The following DPP10 variants were observed in gnomAD, a reference collection of about 807,000 sequenced individuals.
DPP10 encodes inactive dipeptidyl peptidase 10.
In DPP10, 33 loss-of-function variants were observed where a neutral mutation model predicts 120.9. That is an observed-to-expected ratio of 0.27 (90% CI 0.21 to 0.37). The LOEUF (loss-of-function observed/expected upper bound fraction) is 0.37. Among genes scored for constraint, DPP10 ranks in the 10% least tolerant of loss-of-function variants. The probability of loss-of-function intolerance (pLI) is 1.00; values close to 1 mark genes in which losing one functional copy is unlikely to be tolerated. For synonymous variants in DPP10, 337 were observed against 326.1 expected, an observed-to-expected ratio of 1.03 and a Z score of -0.36; for missense variants, 816 against 942.8, an observed-to-expected ratio of 0.87 and a Z score of 1.76.
chr2:115,393,578 G>T (rs2067467488), intron 3 of DPP10, among the ~76,000 whole-genome samples: 1 of 152,100 alleles, frequency 6.6e-6, no homozygotes, highest in Admixed American at 6.5e-5. Context: ...AGAAAGGATT[G>T]TATTAAATTC....
At chr2:115,459,865 T>G (rs902067483) in intron 3 of DPP10, among the ~76,000 whole-genome samples, 9 of 150,478 alleles carry the variant, frequency 6.0e-5, no homozygotes, top group Non-Finnish European at 1.0e-4. Context: ...AGGACTACCA[T>G]GTTATTAGAC....
intron 1 of DPP10, among the ~76,000 whole-genome samples, chr2:114,550,468 G>A (rs980392789): frequency 1.3e-5 from 2 of 152,220 alleles, no homozygotes; most frequent in Non-Finnish European, 2.9e-5. Flanking sequence ...CAGCCAGTAA[G>A]GAGCAGGGCT....
intron 11 of DPP10, among the ~76,000 whole-genome samples, chr2:115,759,145 G>A (rs915581874): frequency 4.0e-5 from 6 of 151,884 alleles, no homozygotes; most frequent in African/African-American, 1.5e-4. Context: ...TGCCAAATGG[G>A]TATCAGACAA....
At chr2:114,663,668 T>TATATATATATAGAG in intron 1 of DPP10, among the ~76,000 whole-genome samples, 6 of 80,710 alleles carry the variant, frequency 7.4e-5, no homozygotes, top group East Asian at 7.1e-4. Flanking sequence ...TATATATATA[T>TATATATATATAGAG]AGAGAGAGAG....
intron 1 of DPP10, among the ~76,000 whole-genome samples, chr2:115,158,937 T>G (rs2052097751): frequency 6.6e-6 from 1 of 152,082 alleles, no homozygotes; most frequent in Non-Finnish European, 1.5e-5. Context: ...GAAAATATGG[T>G]GGATGGTAAG....
chr2:115,374,852 G>A (rs752903814), intron 3 of DPP10, among the ~76,000 whole-genome samples: 79 of 152,184 alleles, frequency 5.2e-4, no homozygotes, highest in Non-Finnish European at 8.2e-4. Context: ...AGGGTGCCAC[G>A]TTCCAAGGCT....
intron 1 of DPP10, among the ~76,000 whole-genome samples, chr2:114,485,351 A>C (rs1292683790): frequency 6.6e-6 from 1 of 152,136 alleles, no homozygotes; most frequent in Admixed American, 6.6e-5. Flanking sequence ...GCAACAGTAA[A>C]AAGCTGACTG....
chr2:115,478,798 A>C (rs1483001074), intron 3 of DPP10, among the ~76,000 whole-genome samples: 1 of 152,224 alleles, frequency 6.6e-6, no homozygotes, highest in Non-Finnish European at 1.5e-5. Context: ...TCATGAAAAA[A>C]GATGCTCAAT....
chr2:114,980,670 C>T (rs1223898321), intron 1 of DPP10, among the ~76,000 whole-genome samples: 1 of 151,372 alleles, frequency 6.6e-6, no homozygotes, highest in Non-Finnish European at 1.5e-5. Context: ...CAGAAATTCC[C>T]TGAACTAGAA....
chr2:114,930,129 CT>C (rs887559539), intron 1 of DPP10, among the ~76,000 whole-genome samples: 2 of 152,228 alleles, frequency 1.3e-5, no homozygotes, highest in Admixed American at 6.5e-5. Context: ...TCTGAAAAGC[CT>C]TTTTGACCTT....
chr2:115,381,364 A>G (rs534426350), intron 3 of DPP10, among the ~76,000 whole-genome samples: 1 of 151,816 alleles, frequency 6.6e-6, no homozygotes, highest in Non-Finnish European at 1.5e-5. Flanking sequence ...AGGCTTCTGC[A>G]CTCTTCACGT....
At chr2:115,785,338 T>C (rs1196625373) in intron 17 of DPP10, among the ~76,000 whole-genome samples, 1 of 152,202 alleles carries the variant, frequency 6.6e-6, no homozygotes, top group Non-Finnish European at 1.5e-5. Flanking sequence ...ATCAGAATCA[T>C]GCTGACCTCA....
In DPP10 at chr2:115,500,271, C is replaced by G. The variant is rs186477368; in HGVS notation, c.366+667C>G. Among the ~76,000 whole-genome samples, 194 of 151,852 alleles carry G rather than the reference C, an allele frequency of 1.3e-3. 1 individual carries two copies. The highest frequency in any genetic ancestry group is 4.5e-3 in the African/African-American group (185 of 41,458). On this transcript the variant is annotated intron_variant, in intron 4 of 25. Transcript: ENST00000410059. ...TGCAAATGTTGAAAATCTAGCTACCCAACACCAACGAAAAATAGTACACAG... is the reference window on the plus strand; with the variant it reads ...TGCAAATGTTGAAAATCTAGCTACCGAACACCAACGAAAAATAGTACACAG...
At chr2:115,021,194 AAAC>A (rs1457663570) in intron 1 of DPP10, among the ~76,000 whole-genome samples, 2 of 152,100 alleles carry the variant, frequency 1.3e-5, no homozygotes, top group African/African-American at 4.8e-5. Context: ...AAATTGAAAC[AAAC>A]AACAACAACA....
Position 114,536,429 on chromosome 2 carries a change from G to A in DPP10, c.60+93591G>A, listed in dbSNP as rs193095318. Reference sequence around the variant, plus strand: ...TTTTCTTTTTTTTTTTTTTTGAGACGTAGTCTCGCTCTGTCACCCCGGCTG... The same window carrying A: ...TTTTCTTTTTTTTTTTTTTTGAGACATAGTCTCGCTCTGTCACCCCGGCTG... On this transcript the variant is annotated intron_variant, in intron 1 of 25. Coordinates refer to ENST00000410059, the MANE Select transcript of DPP10 (RefSeq NM_020868.6). Among the ~76,000 whole-genome samples the A allele has an allele frequency of 5.7e-4, 66 of 115,836 alleles. 2 individuals are homozygous for A. In the East Asian group the frequency reaches 0.015, roughly 26 times the overall value. The allele number at this position is 115,836 out of a possible 152,430, so 76.0% of individuals were successfully genotyped here.
chr2:115,560,431 T>TATATATAC (rs1553448842), intron 5 of DPP10, among the ~76,000 whole-genome samples: 3 of 74,664 alleles, frequency 4.0e-5, no homozygotes, highest in African/African-American at 1.6e-4. Flanking sequence ...TATATATATA[T>TATATATAC]ATATATATAT....
At chr2:114,553,103 C>T (rs922089205) in intron 1 of DPP10, among the ~76,000 whole-genome samples, 1 of 152,220 alleles carries the variant, frequency 6.6e-6, no homozygotes, top group African/African-American at 2.4e-5. Flanking sequence ...TCTATAATCA[C>T]ATCAAGCCAT....
intron 1 of DPP10, among the ~76,000 whole-genome samples, chr2:115,134,738 A>G (rs1205492424): frequency 6.6e-6 from 1 of 152,090 alleles, no homozygotes; most frequent in Non-Finnish European, 1.5e-5. Flanking sequence ...CATTTGTAGA[A>G]AAAAAAATGA....
intron 5 of DPP10, among the ~76,000 whole-genome samples, chr2:115,567,028 T>G (rs1349968227): frequency 6.6e-6 from 1 of 152,184 alleles, no homozygotes; most frequent in Admixed American, 6.5e-5. Context: ...TGTGCCATTG[T>G]GAAAAGCAAA....
Sources: allele counts gnomAD v4.1 joint callset (sites outside exome capture counted in the v4.1 genomes callset), GRCh38; gene constraint gnomAD v4.1.1; transcripts MANE v1.5; gene names NCBI Gene and HGNC (gene_info 2026-07-23, HGNC 2026-07-21).